The following ITFG2 variants were observed in gnomAD, a reference collection of about 807,000 sequenced individuals.
The protein encoded by ITFG2 is integrin alpha FG-GAP repeat containing 2, also known as KICSTOR complex protein ITFG2.
Under a neutral mutation model 54.4 loss-of-function variants are expected in ITFG2, and 36 were observed. The observed-to-expected ratio is 0.66, with a 90% CI of 0.51 to 0.87. The LOEUF is 0.87. Ranked by LOEUF, ITFG2 falls within the 40% of genes least tolerant of loss-of-function variation. The probability of loss-of-function intolerance (pLI) is 0.00; values close to 1 mark genes in which losing one functional copy is unlikely to be tolerated. For missense variants in ITFG2, 524 were observed against 576.7 expected (o/e 0.91, Z 0.94); for synonymous variants, 211 against 225.4 (o/e 0.94, Z 0.57).
At chr12:2,859,250 C>A (rs767649634) in intron 3 of ITFG2, 1 of 1,613,732 alleles carries the variant, frequency 6.2e-7, no homozygotes, top group Non-Finnish European at 8.5e-7. Flanking sequence ...CTGAGAAGAG[C>A]AGCTCCGGCT....
chr12:2,854,769 G>T, intron 2 of ITFG2: 1 of 967,134 alleles, frequency 1.0e-6, no homozygotes, highest in Non-Finnish European at 1.5e-6. Context: ...ACTCAGAAAA[G>T]AGTTTGGTTT....
At chr12:2,827,687 C>T (rs980467375), downstream of ITFG2, 16 of 1,613,956 alleles carry the variant, frequency 9.9e-6, no homozygotes, top group Non-Finnish European at 1.3e-5. The surrounding 1 kb of genome is among the most constrained non-coding windows in gnomAD (Gnocchi z 4.0). Flanking sequence ...TCTATAGGAA[C>T]AATTTGAAAA....
chr12:2,823,759 A>C lies in ITFG2; in HGVS notation c.1067-11A>C, dbSNP rs1408100431. The stretch of plus-strand genomic sequence containing the variant: ...CTTCCTGACCTTTATCTCCCTGCCA[A>C]CATCTTCCAGGCCTGTACGCCTGCA... On this transcript the variant is annotated splice_polypyrimidine_tract_variant and intron_variant, in intron 10 of 11. Transcript: ENST00000228799. The C allele has an allele frequency of 1.3e-6, 2 of 1,530,834 alleles. No individual in the cohort carries two copies. Among genetic ancestry groups the C allele is most frequent in the Non-Finnish European group, 1.8e-6 (2 of 1,137,154 alleles). 94.8% of individuals were successfully genotyped at this position (1,530,834 alleles called of 1,614,324 possible). A position where few individuals can be genotyped will look rare whatever the true frequency, so the allele number is the denominator to read the frequency against.
exon 4 of ITFG2, chr12:2,859,727 A>G (rs528016522): frequency 8.3e-7 from 1 of 1,200,708 alleles, no homozygotes; most frequent in Non-Finnish European, 1.2e-6. Context: ...AAAATATCAC[A>G]TACGGGTTCT....
At chr12:2,856,662 C>CGG (rs2098088333) in intron 2 of ITFG2, among the ~76,000 whole-genome samples, 1 of 152,184 alleles carries the variant, frequency 6.6e-6, no homozygotes, top group Non-Finnish European at 1.5e-5. Context: ...TGTGCCTGGC[C>CGG]CCCAGGACTT....
At position 2,822,780 on chromosome 12, in the gene ITFG2, C is replaced by G; in HGVS notation, c.949-14C>G. 2 of 1,607,506 alleles carry G rather than the reference C, an allele frequency of 1.2e-6. No homozygotes were observed. Among genetic ancestry groups the G allele is most frequent in the Non-Finnish European group, 1.7e-6 (2 of 1,174,074 alleles). ...CAGCTCCTTTATGTTCCTTTTGTCT[C>G]TGTCCTTTTTCAGGGCAACGGGCAT... On this transcript the variant is annotated splice_polypyrimidine_tract_variant and intron_variant, in intron 9 of 11. Coordinates refer to ENST00000228799, the MANE Select transcript of ITFG2 (RefSeq NM_018463.4).
chr12:2,850,097 G>C (rs779190848), intron 2 of ITFG2, among the ~76,000 whole-genome samples: 2 of 152,138 alleles, frequency 1.3e-5, no homozygotes, highest in Non-Finnish European at 2.9e-5. Flanking sequence ...CACCCTGGGA[G>C]CTTTTAAACA....
chr12:2,837,044 T>C (rs2098029746), intron 1 of ITFG2: 1 of 152,220 alleles, frequency 6.6e-6, no homozygotes, highest in African/African-American at 2.4e-5. Context: ...GTACATTAAG[T>C]CTTAGGACCC....
rs947821459 is a variant in ITFG2, at chr12:2,818,735, C to T, written c.406+458C>T. ...AGTATATTAGAAGGTAGTAAGTACACGGCCAGACGTGATGGCTCATCCCTA... is the reference window on the plus strand; with the variant it reads ...AGTATATTAGAAGGTAGTAAGTACATGGCCAGACGTGATGGCTCATCCCTA... On this transcript the variant is annotated intron_variant, in intron 4 of 11. Transcript: ENST00000228799. The T allele has an allele frequency of 5.4e-5, 11 of 205,134 alleles. 1 individual carries two copies. The highest frequency in any genetic ancestry group is 5.3e-4 in the South Asian group (7 of 13,148). 12.7% of individuals were successfully genotyped at this position (205,134 alleles called of 1,614,324 possible).
chr12:2,848,206 C>T (rs990871431), intron 2 of ITFG2, among the ~76,000 whole-genome samples: 1 of 152,120 alleles, frequency 6.6e-6, no homozygotes, highest in Non-Finnish European at 1.5e-5. Flanking sequence ...CAAAGAAGGC[C>T]GTGGGCAGGA....
chr12:2,827,179 T>A, downstream of ITFG2: 1 of 1,613,878 alleles, frequency 6.2e-7, no homozygotes, highest in South Asian at 1.1e-5. This position sits in a 1 kb window ranked among gnomAD's most constrained non-coding sequence, Gnocchi z 4.0. Flanking sequence ...GCAAGGTCTT[T>A]CCCTCTGGGG....
At chr12:2,841,785 C>T (rs1046702112) in intron 2 of ITFG2, among the ~76,000 whole-genome samples, 2 of 151,702 alleles carry the variant, frequency 1.3e-5, no homozygotes, top group African/African-American at 4.8e-5. Flanking sequence ...GTGGCATGAT[C>T]TCGGCTCACT....
Position 2,846,519 on chromosome 12 carries a change from C to T in ITFG2, n.300+5524C>T, listed in dbSNP as rs149377856. ...CAGGAGGCTGCCTGGCTTTGTGGTC[C>T]GGAGCAAGTCACTTCTCGACGGGCT... On this transcript the variant is annotated intron_variant and non_coding_transcript_variant, in intron 2 of 3. Transcript: ENST00000537710. 3.5e-3 allele frequency among the ~76,000 whole-genome samples: 536 copies of T among 152,122 alleles called. 1 individual carries two copies. Among genetic ancestry groups the T allele is most frequent in the African/African-American group, 0.012 (505 of 41,516 alleles).
At chr12:2,826,605 C>G (rs1208552008), downstream of ITFG2, 1 of 152,786 alleles carries the variant, frequency 6.5e-6, no homozygotes, top group Non-Finnish European at 1.5e-5. Context: ...AAAAATAGCT[C>G]TCAGCCTTAT....
At chr12:2,834,850 G>A (rs2098020473), upstream of ITFG2, 1 of 1,613,648 alleles carries the variant, frequency 6.2e-7, no homozygotes, top group African/African-American at 1.3e-5. Context: ...TGCTGGAGGA[G>A]TGGGCCAGGG....
intron 10 of ITFG2, 142 bp from the exon 11 acceptor site, chr12:2,823,628 G>T: frequency 9.6e-7 from 1 of 1,043,176 alleles, no homozygotes; most frequent in South Asian, 2.1e-5. Context: ...GTTCCCAACA[G>T]AGAAGAAATA....
chr12:2,817,883 C>T, intron 2 of ITFG2, 26 bp from the exon 3 acceptor site: 1 of 1,611,246 alleles, frequency 6.2e-7, no homozygotes, highest in East Asian at 2.2e-5. Flanking sequence ...TTAGCGTCTC[C>T]CTGAGCCTCC....
At chr12:2,828,339 G>T (rs766339002), downstream of ITFG2, 4 of 1,613,976 alleles carry the variant, frequency 2.5e-6, no homozygotes, top group Admixed American at 6.7e-5. Flanking sequence ...TACCCCAGGC[G>T]GCTGAGACAT....
At chr12:2,817,851 G>A (rs2097926865) in intron 2 of ITFG2, 58 bp from the exon 3 acceptor site, 9 of 1,533,232 alleles carry the variant, frequency 5.9e-6, no homozygotes, top group Non-Finnish European at 8.0e-6. Flanking sequence ...GCTTCACAGA[G>A]ATCAGGGAGT....
Sources: gnomAD v4.1 joint callset for allele counts (sites outside exome capture counted in the v4.1 genomes callset) on GRCh38, gnomAD v4.1.1 for gene constraint, Gnocchi (gnomAD v3.1) non-coding constraint, MANE v1.5 for transcripts, NCBI Gene and HGNC (gene_info 2026-07-23, HGNC 2026-07-21) for gene names.